DPP10: variants seen among roughly 807,000 people sequenced by gnomAD.
DPP10 encodes inactive dipeptidyl peptidase 10.
In DPP10, 33 loss-of-function variants were observed where a neutral mutation model predicts 120.9. That is an observed-to-expected ratio of 0.27 (90% CI 0.21 to 0.37). The LOEUF (loss-of-function observed/expected upper bound fraction) is 0.37, where lower values mean the gene tolerates loss of function less well. DPP10 is among the 10% of genes least tolerant of loss of function. The pLI is 1.00. For synonymous variants in DPP10, 337 were observed against 326.1 expected, an observed-to-expected ratio of 1.03 and a Z score of -0.36; for missense variants, 816 against 942.8, an observed-to-expected ratio of 0.87 and a Z score of 1.76.
intron 1 of DPP10, among the ~76,000 whole-genome samples, chr2:114,904,602 G>T (rs1006866171): frequency 2.0e-5 from 3 of 152,236 alleles, no homozygotes; most frequent in Admixed American, 6.5e-5. Context: ...ATGTACTGAG[G>T]ACAACACCAA....
chr2:115,633,439 G>A (rs963114639), intron 5 of DPP10, among the ~76,000 whole-genome samples: 10 of 152,128 alleles, frequency 6.6e-5, no homozygotes, highest in Non-Finnish European at 1.3e-4. Context: ...TGTGGGGTGG[G>A]GGTAAGGGGG....
chr2:114,739,338 G>A (rs141006384), intron 1 of DPP10, among the ~76,000 whole-genome samples: 318 of 152,170 alleles, frequency 2.1e-3, no homozygotes, highest in African/African-American at 7.3e-3. Flanking sequence ...TATGAATGAC[G>A]ACTGAAAGCT....
chr2:115,330,159 G>C (rs1252040871), intron 2 of DPP10, among the ~76,000 whole-genome samples: 1 of 151,892 alleles, frequency 6.6e-6, no homozygotes, highest in Non-Finnish European at 1.5e-5. Flanking sequence ...ATCTCATTGT[G>C]GTTTTGATTT....
At chr2:115,110,137 T>A (rs913928179) in intron 1 of DPP10, among the ~76,000 whole-genome samples, 2 of 152,228 alleles carry the variant, frequency 1.3e-5, no homozygotes, top group Non-Finnish European at 2.9e-5. Flanking sequence ...ACCTCTCGAT[T>A]TCCCACCCTC....
intron 1 of DPP10, among the ~76,000 whole-genome samples, chr2:114,536,170 C>A (rs1008506641): frequency 6.6e-6 from 1 of 152,042 alleles, no homozygotes; most frequent in Admixed American, 6.6e-5. Flanking sequence ...CCTCTTGGAG[C>A]CCCATGATTT....
intron 5 of DPP10, among the ~76,000 whole-genome samples, chr2:115,558,539 C>G (rs1360950057): frequency 2.6e-5 from 4 of 152,082 alleles, no homozygotes; most frequent in Non-Finnish European, 5.9e-5. Flanking sequence ...TTTTAACAAG[C>G]AATCAGGGGC....
chr2:115,013,892 G>A lies in DPP10; in HGVS notation c.61-295347G>A, dbSNP rs116432063. Reference sequence around the variant, plus strand: ...AGACTTAGACCCCCATGTAATAATAGTGGGAGACTTTAACAGCCCACTATC... The same window carrying A: ...AGACTTAGACCCCCATGTAATAATAATGGGAGACTTTAACAGCCCACTATC... On this transcript the variant is annotated intron_variant, in intron 1 of 25. Transcript: ENST00000410059. Among the ~76,000 whole-genome samples the A allele has an allele frequency of 5.6e-3, 851 of 152,112 alleles. 9 individuals are homozygous for A. The highest frequency in any genetic ancestry group is 0.019 in the African/African-American group (803 of 41,502).
Position 115,499,516 on chromosome 2 carries a change from A to T in DPP10, c.278A>T (p.Asp93Val), listed in dbSNP as rs965239376. 16 of 1,610,874 alleles carry T rather than the reference A, an allele frequency of 9.9e-6. No individual in the cohort carries two copies. Among genetic ancestry groups the T allele is most frequent in the Non-Finnish European group, 1.1e-5 (13 of 1,178,074 alleles). The change falls in exon 4 of 26, where the codon GAT (aspartate) becomes GTT (valine). Residue 93 changes from aspartate (D) to valine (V), a missense_variant. Transcript: ENST00000410059. Reference protein sequence around the residue: ...DPEARWINDTDVVYKSENGHV... With the variant: ...DPEARWINDTVVVYKSENGHV... ...AATGTCTTTGTTGTTGCAGATACAG[A>T]TGTGGTGTATAAAAGCGAGAATGGA...
At chr2:115,274,629 G>A (rs1385981660) in intron 1 of DPP10, among the ~76,000 whole-genome samples, 3 of 152,134 alleles carry the variant, frequency 2.0e-5, no homozygotes, top group African/African-American at 4.8e-5. Flanking sequence ...GAAGTTTATG[G>A]CAACATGAGC....
intron 1 of DPP10, among the ~76,000 whole-genome samples, chr2:115,077,660 T>C (rs1289581454): frequency 6.6e-6 from 1 of 152,240 alleles, no homozygotes; most frequent in African/African-American, 2.4e-5. Context: ...CACCTTTAAC[T>C]TCTTTTTCCT....
At position 115,457,831 on chromosome 2, in the gene DPP10, A is replaced by G. The variant is rs2073698846; in HGVS notation, c.272-41679A>G. 3.3e-5 allele frequency among the ~76,000 whole-genome samples: 5 copies of G among 152,246 alleles called. No individual in the cohort carries two copies. In the South Asian group the frequency reaches 1.0e-3, roughly 32 times the overall value. ...TATTTATATGCCAATGCAAAACGAG[A>G]CATACAGCTATGCAAAATCTTGTAC... On this transcript the variant is annotated intron_variant, in intron 3 of 25. Transcript: ENST00000410059.
chr2:115,622,829 C>CTTTTTTTTTTTTTTTTTTTTT (rs765780452), intron 5 of DPP10, among the ~76,000 whole-genome samples: 11 of 128,360 alleles, frequency 8.6e-5, no homozygotes, highest in Non-Finnish European at 1.5e-4. Flanking sequence ...TTCGTTTATT[C>CTTTTTTTTTTTTTTTTTTTTT]TTTTTTTTTT....
chr2:115,056,399 G>A (rs1705916784), intron 1 of DPP10, among the ~76,000 whole-genome samples: 2 of 152,144 alleles, frequency 1.3e-5, no homozygotes, highest in Non-Finnish European at 2.9e-5. Flanking sequence ...TCTTTCAAGA[G>A]ACAAGGTCTT....
At chr2:115,087,678 CGAGTAGCTGGGAT>C (rs368717616) in intron 1 of DPP10, among the ~76,000 whole-genome samples, 1 of 151,634 alleles carries the variant, frequency 6.6e-6, no homozygotes, top group African/African-American at 2.4e-5. Context: ...CTCAGCCTCT[CGAGTAGCTGGGAT>C]TACAGGCATG....
intron 1 of DPP10, among the ~76,000 whole-genome samples, chr2:114,685,525 T>C (rs1699307301): frequency 6.6e-6 from 1 of 151,986 alleles, no homozygotes; most frequent in Admixed American, 6.6e-5. Context: ...ACTCCAGAAT[T>C]AGCTATGTGC....
At chr2:115,231,795 A>G (rs997886961) in intron 1 of DPP10, among the ~76,000 whole-genome samples, 13 of 152,056 alleles carry the variant, frequency 8.5e-5, no homozygotes, top group African/African-American at 2.7e-4. Context: ...CCCTCCCTCT[A>G]TGCTCCCACC....
chr2:114,652,383 C>G (rs912779861), intron 1 of DPP10, among the ~76,000 whole-genome samples: 3 of 152,304 alleles, frequency 2.0e-5, no homozygotes, highest in Admixed American at 2.0e-4. Context: ...AGTCTGTGGG[C>G]TTTCTCCATC....
intron 1 of DPP10, among the ~76,000 whole-genome samples, chr2:114,876,605 T>G (rs1691183163): frequency 6.6e-6 from 1 of 152,104 alleles, no homozygotes; most frequent in African/African-American, 2.4e-5. Flanking sequence ...CATGACAAGA[T>G]TTTTCTCCCT....
rs1553479098 is a variant in DPP10 at position 114,663,668 on chromosome 2, T to TAGAGAGAGAGAGAGAG, written c.60+220844_60+220859dup. Reference sequence around the variant, plus strand: ...ATATATATATATATATATATATATATAGAGAGAGAGAGAGAGAGAGAGAGA... The same window carrying TAGAGAGAGAGAGAGAG: ...ATATATATATATATATATATATATATAGAGAGAGAGAGAGAGAGAGAGAGAGAGAGAGAGAGAGAGA... On this transcript the variant is annotated intron_variant, in intron 1 of 25. Transcript: ENST00000410059. 2.9e-3 allele frequency among the ~76,000 whole-genome samples: 233 copies of TAGAGAGAGAGAGAGAG among 80,660 alleles called. 5 individuals are homozygous for TAGAGAGAGAGAGAGAG. The highest frequency in any genetic ancestry group is 0.017 in the East Asian group (48 of 2,790). 52.9% of individuals were successfully genotyped at this position (80,660 alleles called of 152,430 possible).
Sources: allele counts gnomAD v4.1 joint callset (sites outside exome capture counted in the v4.1 genomes callset), GRCh38; gene constraint gnomAD v4.1.1; transcripts MANE v1.5; gene names NCBI Gene and HGNC (gene_info 2026-07-23, HGNC 2026-07-21).